Variants in ADGRL2 observed in about 807,000 individuals in gnomAD.
ADGRL2 encodes calcium-independent alpha-latrotoxin receptor 2.
Under a neutral mutation model 157.4 loss-of-function variants are expected in ADGRL2, and 44 were observed. That is an observed-to-expected ratio of 0.28 (90% CI 0.22 to 0.36). The LOEUF (loss-of-function observed/expected upper bound fraction) is 0.36. Among genes scored for constraint, ADGRL2 ranks in the 10% least tolerant of loss-of-function variants. ADGRL2 has a pLI of 1.00. For missense variants in ADGRL2, 1,510 were observed against 1,768.9 expected (o/e 0.85, Z 2.63); for synonymous variants, 585 against 624.7 (o/e 0.94, Z 0.95).
intron 1 of ADGRL2, among the ~76,000 whole-genome samples, chr1:81,816,043 C>T (rs2090370634): frequency 6.6e-6 from 1 of 151,606 alleles, no homozygotes; most frequent in African/African-American, 2.4e-5. Flanking sequence ...AATTGAATAG[C>T]TTGTAGTGCA....
chr1:81,644,384 A>G (rs1413798093), intron 3 of ADGRL2, among the ~76,000 whole-genome samples: 1 of 152,198 alleles, frequency 6.6e-6, no homozygotes, highest in Non-Finnish European at 1.5e-5. Flanking sequence ...CTTCATTAAG[A>G]TTTAAAATTT....
chr1:81,629,330 A>G (rs2081967636), intron 3 of ADGRL2, among the ~76,000 whole-genome samples: 1 of 152,190 alleles, frequency 6.6e-6, no homozygotes, highest in South Asian at 2.1e-4. Context: ...GCCTGAAGGT[A>G]TTAACAAAAA....
At chr1:81,330,297 T>C (rs1661185771) in intron 1 of ADGRL2, among the ~76,000 whole-genome samples, 1 of 152,206 alleles carries the variant, frequency 6.6e-6, no homozygotes, top group Middle Eastern at 3.4e-3. Context: ...TCTAAAACTG[T>C]CACATGTCAC....
At chr1:81,364,288 T>C (rs2076026818) in intron 1 of ADGRL2, among the ~76,000 whole-genome samples, 1 of 152,114 alleles carries the variant, frequency 6.6e-6, no homozygotes, top group South Asian at 2.1e-4. Flanking sequence ...ACCATTTGTG[T>C]TATGACCAAT....
intron 10 of ADGRL2, among the ~76,000 whole-genome samples, chr1:81,954,419 A>G (rs760516489): frequency 1.3e-5 from 2 of 152,216 alleles, no homozygotes; most frequent in Non-Finnish European, 2.9e-5. Context: ...AGTATGTCTC[A>G]AATGAGCTTC....
At chr1:81,827,104 T>C (rs908694536) in intron 1 of ADGRL2, among the ~76,000 whole-genome samples, 2 of 152,206 alleles carry the variant, frequency 1.3e-5, no homozygotes, top group African/African-American at 4.8e-5. Context: ...ATTGGAAAGC[T>C]CTAAATATAT....
chr1:81,557,086 C>A, intron 2 of ADGRL2: 2 of 181,706 alleles, frequency 1.1e-5, no homozygotes, highest in South Asian at 1.4e-4. Context: ...CGAAGCAGCC[C>A]ACTCTCAGGC....
chr1:81,441,530 T>C (rs1479288546), intron 1 of ADGRL2, among the ~76,000 whole-genome samples: 1 of 152,192 alleles, frequency 6.6e-6, no homozygotes, highest in Non-Finnish European at 1.5e-5. Context: ...TTTGGGTTTT[T>C]TTGTTTGTTT....
chr1:81,709,002 A>G (rs2083834264), intron 1 of ADGRL2, among the ~76,000 whole-genome samples: 1 of 152,134 alleles, frequency 6.6e-6, no homozygotes, highest in Non-Finnish European at 1.5e-5. Context: ...TGGTCTCACC[A>G]TATAACTATA....
intron 1 of ADGRL2, among the ~76,000 whole-genome samples, chr1:81,712,494 ATT>A (rs2083962823): frequency 6.6e-6 from 1 of 152,186 alleles, no homozygotes; most frequent in Non-Finnish European, 1.5e-5. Context: ...TTATCAAACA[ATT>A]TAATGGGTAT....
Position 81,588,146 on chromosome 1 carries a change from T to C in ADGRL2, c.-143+7166T>C, listed in dbSNP as rs374802732. Among the ~76,000 whole-genome samples the C allele has an allele frequency of 2.0e-4, 30 of 152,208 alleles. 3 individuals carry two copies. Among genetic ancestry groups the C allele is most frequent in the East Asian group, 1.4e-3 (7 of 5,172 alleles). The stretch of plus-strand genomic sequence containing the variant: ...GAAAACTGGCCTTAGCTGAGCCTGC[T>C]CCTTTGGGGAGCTCTAGAGCACATA... On this transcript the variant is annotated intron_variant, in intron 3 of 24. Transcript: ENST00000370721.
intron 1 of ADGRL2, among the ~76,000 whole-genome samples, chr1:81,390,853 C>A (rs2076534969): frequency 6.6e-6 from 1 of 152,296 alleles, no homozygotes; most frequent in South Asian, 2.1e-4. Flanking sequence ...TTTTCATAAC[C>A]TGTTTTCAAT....
intron 2 of ADGRL2, among the ~76,000 whole-genome samples, chr1:81,768,479 C>CTTTT (rs111907751): frequency 2.1e-4 from 30 of 144,310 alleles, no homozygotes; most frequent in African/African-American, 7.4e-4. Flanking sequence ...TGAAGTACCT[C>CTTTT]TTTTTTTTTT....
At chr1:81,495,070 A>G (rs1321501911) in intron 2 of ADGRL2, among the ~76,000 whole-genome samples, 1 of 152,184 alleles carries the variant, frequency 6.6e-6, no homozygotes, top group African/African-American at 2.4e-5. Context: ...ATCAGGGTAG[A>G]GCAGATGGTT....
intron 3 of ADGRL2, among the ~76,000 whole-genome samples, chr1:81,675,038 C>T (rs191569879): frequency 8.9e-4 from 135 of 152,248 alleles, no homozygotes; most frequent in South Asian, 1.0e-3. Flanking sequence ...CTCATGCAAA[C>T]GAATACCTTC....
chr1:81,804,636 A>G (rs988422911), intron 1 of ADGRL2, among the ~76,000 whole-genome samples: 6 of 152,232 alleles, frequency 3.9e-5, no homozygotes, highest in Non-Finnish European at 7.3e-5. Flanking sequence ...TGGCAAGACA[A>G]TTATTTTCTA....
intron 2 of ADGRL2, among the ~76,000 whole-genome samples, chr1:81,896,014 T>A (rs1328331696): frequency 1.3e-5 from 2 of 152,200 alleles, no homozygotes; most frequent in African/African-American, 2.4e-5. Context: ...AATAAATACA[T>A]ACTCAGGCTG....
chr1:81,547,104 G>A (rs1273086639), intron 2 of ADGRL2, among the ~76,000 whole-genome samples: 2 of 152,078 alleles, frequency 1.3e-5, no homozygotes, highest in African/African-American at 4.8e-5. Flanking sequence ...ACCTGCTTTG[G>A]CAAAGTTGCC....
intron 2 of ADGRL2, among the ~76,000 whole-genome samples, chr1:81,493,598 G>C (rs1259066099): frequency 6.6e-6 from 1 of 152,154 alleles, no homozygotes; most frequent in Non-Finnish European, 1.5e-5. Flanking sequence ...TTTTGGGCAA[G>C]AGTTTGTCTC....
Sources: gnomAD v4.1 joint callset for allele counts (sites outside exome capture counted in the v4.1 genomes callset) on GRCh38, gnomAD v4.1.1 for gene constraint, MANE v1.5 for transcripts, NCBI Gene and HGNC (gene_info 2026-07-23, HGNC 2026-07-21) for gene names.